The following NR2C1 variants were observed in gnomAD, a reference collection of about 807,000 sequenced individuals.
The protein encoded by NR2C1 is TR2 nuclear hormone receptor.
A neutral mutation model predicts 74.8 loss-of-function variants in NR2C1; 33 were observed. That is an observed-to-expected ratio of 0.44 (90% CI 0.33 to 0.59). The LOEUF (loss-of-function observed/expected upper bound fraction) is 0.59. Among genes scored for constraint, NR2C1 ranks in the 20% least tolerant of loss-of-function variants. The pLI, the probability that NR2C1 is intolerant of heterozygous loss-of-function variation, is 0.02. For synonymous variants in NR2C1, 225 were observed against 240.6 expected (o/e 0.94, Z 0.60); for missense variants, 568 against 715.6 (o/e 0.79, Z 2.35).
At chr12:95,063,029 A>G (rs1875034957) in intron 2 of NR2C1, 1 of 429,562 alleles carries the variant, frequency 2.3e-6, no homozygotes, top group African/African-American at 2.0e-5. Flanking sequence ...GCTGTTCTGC[A>G]TACTGGGATG....
intron 10 of NR2C1, among the ~76,000 whole-genome samples, chr12:95,036,452 T>A (rs1035449545): frequency 3.3e-5 from 5 of 152,152 alleles, no homozygotes; most frequent in Admixed American, 6.5e-5. Context: ...AATATGTTAA[T>A]TTCTTTTACA....
In NR2C1 at chr12:95,065,153, C is replaced by T. The variant is rs1182424105; in HGVS notation, c.54+2178G>A. The stretch of plus-strand genomic sequence containing the variant: ...TAAACAGTTCTTAGCTTTTAGGACT[C>T]TTTATATTCTAAAATATTACTGAGG... On this transcript the variant is annotated intron_variant, in intron 2 of 13. Coordinates refer to ENST00000333003, the MANE Select transcript of NR2C1 (RefSeq NM_003297.4). Among the ~76,000 whole-genome samples, 3 of 152,094 alleles carry T rather than the reference C, an allele frequency of 2.0e-5. No homozygotes were observed. The East Asian group carries it at 5.8e-4, about 29-fold the overall frequency.
At chr12:95,059,852 CAT>C in intron 4 of NR2C1, 52 bp downstream of exon 4, 1 of 1,261,428 alleles carries the variant, frequency 7.9e-7, no homozygotes, top group Non-Finnish European at 1.1e-6. Context: ...CAACACGACA[CAT>C]ATAGGAGGTT....
chr12:95,065,229 CT>C (rs1875482657), intron 2 of NR2C1, among the ~76,000 whole-genome samples: 1 of 152,080 alleles, frequency 6.6e-6, no homozygotes, highest in Non-Finnish European at 1.5e-5. Context: ...GTTGCCCAGG[CT>C]GGAGTGCAGT....
At chr12:95,064,117 C>T (rs1336983827) in intron 2 of NR2C1, among the ~76,000 whole-genome samples, 4 of 149,568 alleles carry the variant, frequency 2.7e-5, no homozygotes, top group Non-Finnish European at 4.4e-5. Context: ...CTCATGAGGT[C>T]AGGAGATTGA....
At chr12:95,041,454 C>T (rs1871523218) in intron 9 of NR2C1, among the ~76,000 whole-genome samples, 2 of 152,000 alleles carry the variant, frequency 1.3e-5, no homozygotes, top group Non-Finnish European at 2.9e-5. Flanking sequence ...TGCACTCCAG[C>T]CTGGGCAACA....
chr12:95,047,269 C>T (rs1872430375), intron 9 of NR2C1, among the ~76,000 whole-genome samples: 1 of 152,102 alleles, frequency 6.6e-6, no homozygotes, highest in Non-Finnish European at 1.5e-5. Context: ...TTGCCTTGCT[C>T]CACCCTTGTC....
At chr12:95,035,028 AC>A (rs1182328805) in intron 10 of NR2C1, among the ~76,000 whole-genome samples, 1 of 152,188 alleles carries the variant, frequency 6.6e-6, no homozygotes, top group Non-Finnish European at 1.5e-5. Context: ...AACAAAGAAA[AC>A]TGGCAACAAC....
rs183706602 is a variant in NR2C1 at position 95,059,726 on chromosome 12, G to C, written c.364+180C>G. On this transcript the variant is annotated intron_variant, in intron 4 of 13. Transcript: ENST00000333003. Reference sequence around the variant, plus strand: ...TCTATATCACAAACAAAGAACTCTGGGAAAAAATTAGTTAAATGTTATAGG... The same window carrying C: ...TCTATATCACAAACAAAGAACTCTGCGAAAAAATTAGTTAAATGTTATAGG... Among the ~76,000 whole-genome samples, 37 of 151,930 alleles carry C rather than the reference G, an allele frequency of 2.4e-4. No individual in the cohort carries two copies. The East Asian group carries it at 7.0e-3, about 29-fold the overall frequency.
intron 9 of NR2C1, among the ~76,000 whole-genome samples, chr12:95,046,553 G>A (rs1039133315): frequency 6.6e-6 from 1 of 151,976 alleles, no homozygotes; most frequent in Non-Finnish European, 1.5e-5. Flanking sequence ...ATGCCACTGC[G>A]CTCCAGCCTG....
intron 10 of NR2C1, among the ~76,000 whole-genome samples, chr12:95,036,513 T>A (rs981548140): frequency 6.0e-5 from 8 of 132,756 alleles, no homozygotes; most frequent in Admixed American, 5.8e-4. Context: ...GTGGGTTTAC[T>A]TTTTTTTTTT....
rs575155466 is a variant in NR2C1 at position 95,021,067 on chromosome 12, C to T, written c.*1162G>A. The T allele has an allele frequency of 7.2e-5, 11 of 152,172 alleles. No individual in the cohort carries two copies. The South Asian group carries it at 1.0e-3, about 14-fold the overall frequency. 9.4% of individuals were successfully genotyped at this position (152,172 alleles called of 1,614,324 possible). ...TAAAAGAAATTGGCTAAAACCCATA[C>T]ATGACAGGTTTGGGAAGCTCTAACT... On this transcript the variant is annotated 3_prime_UTR_variant, in exon 14 of 14. Coordinates refer to ENST00000333003, the MANE Select transcript of NR2C1 (RefSeq NM_003297.4).
In NR2C1 at chr12:95,028,345, G is replaced by A. The variant is rs78792011; in HGVS notation, c.1531+42C>T. The A allele has an allele frequency of 2.3e-3, 3,572 of 1,542,920 alleles. 51 individuals carry two copies. The African/African-American group carries it at 0.043, about 18-fold the overall frequency. On this transcript the variant is annotated intron_variant, in intron 12 of 13. Coordinates refer to ENST00000333003, the MANE Select transcript of NR2C1 (RefSeq NM_003297.4). ...ATGAGGGCTTCTATTTCTCCACATC[G>A]TGAAACATTTTATTTTGAATAAAAA... is the stretch of plus-strand genomic sequence containing the variant.
intron 2 of NR2C1, among the ~76,000 whole-genome samples, chr12:95,065,252 G>T (rs929309541): frequency 4.0e-5 from 6 of 151,732 alleles, no homozygotes; most frequent in Non-Finnish European, 8.8e-5. Flanking sequence ...GTGCGATCTC[G>T]GCTCACTGCA....
At chr12:95,071,091 T>C (rs1014379563) in intron 1 of NR2C1, among the ~76,000 whole-genome samples, 5 of 151,578 alleles carry the variant, frequency 3.3e-5, no homozygotes, top group Admixed American at 6.6e-5. Context: ...ATCCCAGCTA[T>C]GCAGGAGGCT....
chr12:95,061,464 A>T (rs1874769711), intron 3 of NR2C1, among the ~76,000 whole-genome samples: 1 of 152,228 alleles, frequency 6.6e-6, no homozygotes, highest in Non-Finnish European at 1.5e-5. Context: ...CAAGTCTACT[A>T]CTTAAAGAAA....
chr12:95,022,474 A>G, intron 13 of NR2C1, 71 bp from the exon 14 acceptor site: 1 of 1,216,056 alleles, frequency 8.2e-7, no homozygotes, highest in Non-Finnish European at 1.2e-6. Context: ...GAAAAATATG[A>G]GTAATTTCTG....
intron 1 of NR2C1, among the ~76,000 whole-genome samples, chr12:95,071,534 T>C (rs957751392): frequency 6.6e-6 from 1 of 152,102 alleles, no homozygotes; most frequent in Non-Finnish European, 1.5e-5. Context: ...TGTTTGGGGA[T>C]GTTTGCTCCC....
intron 9 of NR2C1, 149 bp from the exon 10 acceptor site, chr12:95,040,746 A>C: frequency 1.4e-6 from 1 of 690,390 alleles, no homozygotes; most frequent in Non-Finnish European, 2.2e-6. Context: ...AGTCACTAGA[A>C]TTTACAGCTA....
Sources: allele counts gnomAD v4.1 joint callset (sites outside exome capture counted in the v4.1 genomes callset), GRCh38; gene constraint gnomAD v4.1.1; transcripts MANE v1.5; gene names NCBI Gene and HGNC (gene_info 2026-07-23, HGNC 2026-07-21).